GSTCD: variants seen among roughly 807,000 people sequenced by gnomAD.
GSTCD encodes glutathione S-transferase C-terminal domain containing.
A neutral mutation model predicts 68.3 loss-of-function variants in GSTCD; 44 were observed. The observed-to-expected ratio is 0.64, with a 90% CI of 0.51 to 0.83. The LOEUF (loss-of-function observed/expected upper bound fraction) is 0.83. GSTCD is among the 40% of genes least tolerant of loss of function. GSTCD has a pLI of 0.00. For synonymous variants in GSTCD, 273 were observed against 255.2 expected (o/e 1.07, Z -0.67); for missense variants, 739 against 735.9 (o/e 1.00, Z -0.05).
intron 1 of GSTCD, chr4:105,710,663 C>A (rs920050421): frequency 1.3e-5 from 2 of 151,964 alleles, no homozygotes; most frequent in African/African-American, 4.8e-5. Context: ...GATATTGAAA[C>A]CATTTAGATT....
At chr4:105,754,645 C>G (rs1401708569) in intron 5 of GSTCD, among the ~76,000 whole-genome samples, 1 of 152,088 alleles carries the variant, frequency 6.6e-6, no homozygotes, top group Non-Finnish European at 1.5e-5. Context: ...AACTCCTTAT[C>G]TTAAAAACAA....
intron 5 of GSTCD, among the ~76,000 whole-genome samples, chr4:105,774,369 A>G (rs1734973309): frequency 1.3e-5 from 2 of 152,178 alleles, no homozygotes; most frequent in Non-Finnish European, 2.9e-5. Context: ...TAATATTGTT[A>G]TGTGTGAATT....
intron 10 of GSTCD, chr4:105,840,165 A>G (rs182895234): frequency 3.1e-5 from 14 of 451,658 alleles, no homozygotes; most frequent in Admixed American, 2.9e-4. Flanking sequence ...GGTGAGACTT[A>G]TCAGTACAAG....
chr4:105,754,019 T>C (rs1330981538), intron 5 of GSTCD, among the ~76,000 whole-genome samples: 2 of 152,108 alleles, frequency 1.3e-5, no homozygotes, highest in Non-Finnish European at 2.9e-5. Context: ...ACTAATGATG[T>C]AGATCCCTGT....
intron 5 of GSTCD, among the ~76,000 whole-genome samples, chr4:105,797,442 C>T (rs1735938539): frequency 6.6e-6 from 1 of 152,074 alleles, no homozygotes; most frequent in Non-Finnish European, 1.5e-5. Flanking sequence ...TTACACTATA[C>T]TGTAGTCCAT....
intron 5 of GSTCD, among the ~76,000 whole-genome samples, chr4:105,809,054 G>A (rs923744222): frequency 3.9e-5 from 6 of 152,166 alleles, no homozygotes; most frequent in Non-Finnish European, 7.4e-5. Context: ...AAAAGTAAAA[G>A]TTATTGACTT....
chr4:105,777,007 A>G (rs1352323640), intron 5 of GSTCD, among the ~76,000 whole-genome samples: 1 of 152,156 alleles, frequency 6.6e-6, no homozygotes, highest in Admixed American at 6.5e-5. Flanking sequence ...TGTTGGATTA[A>G]TCTTCATAAT....
intron 5 of GSTCD, among the ~76,000 whole-genome samples, chr4:105,777,717 G>C (rs774350782): frequency 2.0e-4 from 31 of 152,088 alleles, no homozygotes; most frequent in Admixed American, 3.3e-4. Flanking sequence ...CTAAGTCTTG[G>C]TTTTCTCATC....
intron 5 of GSTCD, among the ~76,000 whole-genome samples, chr4:105,784,853 C>T (rs930115347): frequency 6.6e-6 from 1 of 152,174 alleles, no homozygotes; most frequent in Non-Finnish European, 1.5e-5. Context: ...ACTCCTGCAT[C>T]GTTTTGACAT....
chr4:105,843,906 G>A (rs11733093), intron 11 of GSTCD, among the ~76,000 whole-genome samples: 1 of 150,706 alleles, frequency 6.6e-6, no homozygotes, highest in Admixed American at 6.7e-5. Flanking sequence ...AGTGGTGGGG[G>A]TGGGGGTGGG....
chr4:105,711,949 C>T (rs1578401466), intron 1 of GSTCD, among the ~76,000 whole-genome samples: 1 of 152,318 alleles, frequency 6.6e-6, no homozygotes, highest in South Asian at 2.1e-4. Flanking sequence ...CGATTCACCT[C>T]ACAAAGGTGA....
chr4:105,785,899 C>T (rs2080789), intron 5 of GSTCD, among the ~76,000 whole-genome samples: 92,607 of 152,106 alleles, frequency 0.61, 33,848 homozygotes, highest in East Asian at 0.9. Flanking sequence ...ACAAGTTTAC[C>T]AATATTGCAG....
chr4:105,845,069 A>G (rs1279328333), intron 11 of GSTCD, among the ~76,000 whole-genome samples: 1 of 152,228 alleles, frequency 6.6e-6, no homozygotes, highest in African/African-American at 2.4e-5. Context: ...CTTAAAGACA[A>G]ATTTTTTTTC....
chr4:105,764,089 CAG>C (rs1371916253), intron 5 of GSTCD, among the ~76,000 whole-genome samples: 1 of 151,906 alleles, frequency 6.6e-6, no homozygotes, highest in Non-Finnish European at 1.5e-5. Flanking sequence ...AAAAATAGGA[CAG>C]AAAGTCACAT....
chr4:105,739,710 T>A lies in GSTCD; in HGVS notation c.1240+10211T>A, dbSNP rs117414902. Among the ~76,000 whole-genome samples, 519 of 152,252 alleles carry A rather than the reference T, an allele frequency of 3.4e-3. 11 individuals are homozygous for A. In the East Asian group the frequency reaches 0.052, roughly 15 times the overall value. ...GTCAAAGCCCCATTTACCTGGGATG[T>A]CTTGTGTTGCTTCAGTTCTGGTCCA... On this transcript the variant is annotated intron_variant, in intron 5 of 11. Transcript: ENST00000515279.
At chr4:105,763,923 C>T (rs570785623) in intron 5 of GSTCD, among the ~76,000 whole-genome samples, 99 of 152,078 alleles carry the variant, frequency 6.5e-4, no homozygotes, top group African/African-American at 2.3e-3. Context: ...TCTAAAGTCA[C>T]CTTAGAATTA....
intron 11 of GSTCD, among the ~76,000 whole-genome samples, chr4:105,844,045 T>C (rs1219670407): frequency 6.6e-6 from 1 of 152,098 alleles, no homozygotes; most frequent in Non-Finnish European, 1.5e-5. Context: ...ATTTCAGTTG[T>C]AGAGACACTT....
chr4:105,833,082 A>G (rs2149282804), intron 8 of GSTCD, among the ~76,000 whole-genome samples: 1 of 152,336 alleles, frequency 6.6e-6, no homozygotes, highest in Middle Eastern at 3.4e-3. Flanking sequence ...GAGGAGGATT[A>G]AGAACAGAGA....
intron 5 of GSTCD, among the ~76,000 whole-genome samples, chr4:105,743,331 TC>T (rs1314145388): frequency 1.3e-5 from 2 of 152,138 alleles, no homozygotes; most frequent in Admixed American, 6.5e-5. Context: ...TTTTTTTTCT[TC>T]AATAGACTGT....
Sources: gnomAD v4.1 joint callset for allele counts (sites outside exome capture counted in the v4.1 genomes callset) on GRCh38, gnomAD v4.1.1 for gene constraint, MANE v1.5 for transcripts, NCBI Gene and HGNC (gene_info 2026-07-23, HGNC 2026-07-21) for gene names.